Variants in SIPA1L1 observed in about 807,000 individuals in gnomAD.
The protein encoded by SIPA1L1 is signal induced proliferation associated 1 like 1.
In SIPA1L1, 26 loss-of-function variants were observed where a neutral mutation model predicts 162.7. The observed-to-expected ratio is 0.16, with a 90% confidence interval of 0.12 to 0.22. The LOEUF (loss-of-function observed/expected upper bound fraction) is 0.22, where lower values mean the gene tolerates loss of function less well. Among genes scored for constraint, SIPA1L1 ranks in the 10% least tolerant of loss-of-function variants. The pLI is 1.00. For missense variants in SIPA1L1, 1,874 were observed against 2,241.0 expected (o/e 0.84, Z 3.31); for synonymous variants, 829 against 837.4 (o/e 0.99, Z 0.17).
chr14:71,450,915 G>A (rs2045770489), intron 2 of SIPA1L1, among the ~76,000 whole-genome samples: 1 of 152,086 alleles, frequency 6.6e-6, no homozygotes, highest in African/African-American at 2.4e-5. Flanking sequence ...TATATCCAAA[G>A]GAATTGAAAT....
chr14:71,463,771 C>T (rs1351816831), intron 2 of SIPA1L1, among the ~76,000 whole-genome samples: 1 of 152,128 alleles, frequency 6.6e-6, no homozygotes, highest in Admixed American at 6.5e-5. Context: ...AAGTTTTCTG[C>T]TGATATAAAT....
In SIPA1L1 at chr14:71,638,734, G is replaced by C. The variant is rs558552780; in HGVS notation, c.1819-11601G>C. ...AACTCCCTATTTCAGATGACATGCT[G>C]GTCTGTTTGCAAAACCCTAAGGAAT... is the stretch of plus-strand genomic sequence containing the variant. On this transcript the variant is annotated intron_variant, in intron 7 of 23. Transcript: ENST00000381232. Among the ~76,000 whole-genome samples the C allele has an allele frequency of 2.6e-5, 4 of 152,272 alleles. No homozygotes were observed. In the East Asian group the frequency reaches 5.8e-4, roughly 22 times the overall value.
At chr14:71,711,974 A>G (rs752659484) in intron 17 of SIPA1L1, among the ~76,000 whole-genome samples, 3 of 152,220 alleles carry the variant, frequency 2.0e-5, no homozygotes, top group Non-Finnish European at 2.9e-5. Flanking sequence ...ATCTTGGCAG[A>G]GTGAGTTGGA....
At chr14:71,413,413 A>C (rs1012357140) in intron 2 of SIPA1L1, among the ~76,000 whole-genome samples, 1 of 152,164 alleles carries the variant, frequency 6.6e-6, no homozygotes, top group Non-Finnish European at 1.5e-5. Context: ...TTTAAGTGGG[A>C]ATGGCTGTTG....
At chr14:71,723,528 A>T in intron 17 of SIPA1L1, 119 bp from the exon 18 acceptor site, 2 of 1,123,334 alleles carry the variant, frequency 1.8e-6, no homozygotes, top group Non-Finnish European at 2.6e-6. Flanking sequence ...CATCGCTGTT[A>T]ATAGTTCATG....
At chr14:71,383,907 C>G (rs1310683333) in intron 2 of SIPA1L1, among the ~76,000 whole-genome samples, 1 of 152,200 alleles carries the variant, frequency 6.6e-6, no homozygotes, top group Non-Finnish European at 1.5e-5. Flanking sequence ...ATATCACCCA[C>G]TTTTCCTTAT....
At chr14:71,493,261 T>C (rs1451560425) in intron 2 of SIPA1L1, among the ~76,000 whole-genome samples, 1 of 151,670 alleles carries the variant, frequency 6.6e-6, no homozygotes, top group Non-Finnish European at 1.5e-5. Context: ...ACGCCCCCAG[T>C]TTTTTTTATT....
chr14:71,423,995 A>G (rs1019624671), intron 2 of SIPA1L1, among the ~76,000 whole-genome samples: 1 of 152,004 alleles, frequency 6.6e-6, no homozygotes, highest in African/African-American at 2.4e-5. Context: ...TGTAGTTTTC[A>G]TTGTACAAGT....
intron 2 of SIPA1L1, among the ~76,000 whole-genome samples, chr14:71,482,908 A>G (rs947318511): frequency 2.0e-5 from 3 of 152,210 alleles, no homozygotes; most frequent in Non-Finnish European, 4.4e-5. Context: ...GTTCATGTTT[A>G]TACACATTTT....
chr14:71,484,648 G>A (rs1178986260), intron 2 of SIPA1L1, among the ~76,000 whole-genome samples: 3 of 152,106 alleles, frequency 2.0e-5, no homozygotes, highest in East Asian at 1.9e-4. Flanking sequence ...GTTTGAATCT[G>A]GACGTGATAC....
chr14:71,545,351 CACTTA>C (rs551601256), intron 4 of SIPA1L1, among the ~76,000 whole-genome samples: 180 of 152,278 alleles, frequency 1.2e-3, no homozygotes, highest in African/African-American at 4.1e-3. Context: ...CGAACCTCTT[CACTTA>C]ACTTCTCAGC....
rs368480434 is a variant in SIPA1L1, at chr14:71,659,640, A to G, written c.2097+1204A>G. 3.9e-5 allele frequency among the ~76,000 whole-genome samples: 6 copies of G among 152,326 alleles called. No homozygotes were observed. The South Asian group carries it at 1.2e-3, about 32-fold the overall frequency. ...AAGAACATTAACAAAATGATCCTTA[A>G]AGAGAGCATAAAGGCTTATTCTGCC... On this transcript the variant is annotated intron_variant, in intron 9 of 23. Coordinates refer to ENST00000381232, the MANE Select transcript of SIPA1L1 (RefSeq NM_001386936.1).
intron 2 of SIPA1L1, among the ~76,000 whole-genome samples, chr14:71,404,123 G>T (rs141970704): frequency 0.013 from 1,913 of 152,216 alleles, 13 homozygotes; most frequent in Middle Eastern, 0.027. Flanking sequence ...GCACTCAGGG[G>T]TGTAACTATA....
chr14:71,456,412 T>G (rs1161981211), intron 2 of SIPA1L1, among the ~76,000 whole-genome samples: 1 of 152,242 alleles, frequency 6.6e-6, no homozygotes, highest in Non-Finnish European at 1.5e-5. Flanking sequence ...TTTTATGTAC[T>G]AAAATATTAC....
intron 5 of SIPA1L1, among the ~76,000 whole-genome samples, chr14:71,611,563 C>T (rs2038219435): frequency 6.8e-6 from 1 of 146,412 alleles, no homozygotes; most frequent in Non-Finnish European, 1.5e-5. Context: ...CCTTGACCCC[C>T]ACCCCCTGAC....
At chr14:71,704,640 C>A in intron 15 of SIPA1L1, 1 of 1,007,092 alleles carries the variant, frequency 9.9e-7, no homozygotes, top group Non-Finnish European at 1.6e-6. Context: ...GGAACCCCAT[C>A]TTGAACGCCA....
At chr14:71,421,768 T>C (rs1310166982) in intron 2 of SIPA1L1, among the ~76,000 whole-genome samples, 1 of 152,166 alleles carries the variant, frequency 6.6e-6, no homozygotes, top group East Asian at 1.9e-4. Flanking sequence ...TGCAATTACC[T>C]GGATTGAAAG....
At chr14:71,696,537 T>A (rs1348152424) in intron 13 of SIPA1L1, among the ~76,000 whole-genome samples, 4 of 152,208 alleles carry the variant, frequency 2.6e-5, no homozygotes, top group Non-Finnish European at 5.9e-5. Flanking sequence ...AGTGACCAAC[T>A]GTTGTTCAAG....
rs61524036 is a variant in SIPA1L1, at chr14:71,434,252, T to TGTCCTG, written c.-464-78490_-464-78485dup. ...CCTGAAATCTAGTAGATGAGACAGA[T>TGTCCTG]GTCCTGTATGTTTAGGTGCAGTAAT... On this transcript the variant is annotated intron_variant, in intron 2 of 23. Coordinates refer to ENST00000381232, the MANE Select transcript of SIPA1L1 (RefSeq NM_001386936.1). Among the ~76,000 whole-genome samples, 596 of 152,316 alleles carry TGTCCTG rather than the reference T, an allele frequency of 3.9e-3. 6 individuals are homozygous for TGTCCTG. The highest frequency in any genetic ancestry group is 0.014 in the African/African-American group (575 of 41,558).
Sources: gnomAD v4.1 joint callset for allele counts (sites outside exome capture counted in the v4.1 genomes callset) on GRCh38, gnomAD v4.1.1 for gene constraint, MANE v1.5 for transcripts, NCBI Gene and HGNC (gene_info 2026-07-23, HGNC 2026-07-21) for gene names.